The following SBNO1 variants were observed in gnomAD, a reference collection of about 807,000 sequenced individuals.
SBNO1 encodes protein strawberry notch homolog 1.
Under a neutral mutation model 173.6 loss-of-function variants are expected in SBNO1, and 23 were observed. That is an observed-to-expected ratio of 0.13 (90% CI 0.10 to 0.19). The LOEUF is 0.19. Among genes scored for constraint, SBNO1 ranks in the 10% least tolerant of loss-of-function variants. The pLI is 1.00. For synonymous variants in SBNO1, 632 were observed against 571.5 expected (o/e 1.11, Z -1.51); for missense variants, 1,238 against 1,671.2 (o/e 0.74, Z 4.52).
chr12:123,348,176 G>A (rs769243232), intron 2 of SBNO1, 43 bp from the exon 3 acceptor site: 3 of 1,078,642 alleles, frequency 2.8e-6, no homozygotes, highest in East Asian at 2.4e-5. Context: ...AAGGACAGCA[G>A]TAAATTCTGT....
chr12:123,342,382 C>T (rs559205423), intron 4 of SBNO1, among the ~76,000 whole-genome samples: 5 of 151,992 alleles, frequency 3.3e-5, no homozygotes, highest in South Asian at 2.1e-4. Flanking sequence ...AAACAGGAGG[C>T]AGAGCCTGCA....
rs767297020 is a variant in SBNO1, at chr12:123,350,370, A to G, written c.72T>C (p.Phe24=). ...GCCCTGCATCTCCACCATCAATATCAAAGAGGTCATTCGGACTAATTCCAC... is the reference window on the plus strand; with the variant it reads ...GCCCTGCATCTCCACCATCAATATCGAAGAGGTCATTCGGACTAATTCCAC... ...SESGISPNDL[F]DIDGGDAGLA... Residue 24 remains phenylalanine (F), a synonymous_variant, in exon 2 of 32, where the codon TTT becomes TTC. Transcript: ENST00000602398. 1 of 1,614,108 alleles carries G rather than the reference A, an allele frequency of 6.2e-7. No individual in the cohort carries two copies. Among genetic ancestry groups the G allele is most frequent in the Admixed American group, 1.7e-5 (1 of 60,002 alleles).
In SBNO1 at chr12:123,298,105, A is replaced by G. The variant is rs780858002; in HGVS notation, c.3912T>C (p.Tyr1304=). Residue 1304 remains tyrosine (Y), a synonymous_variant, in exon 31 of 32, where the codon TAT becomes TAC. Transcript: ENST00000602398. ...TCAGCACTGAACCACATAATACATA[A>G]TATGTACGGCAACGAAGACCTATTT... The part of the protein sequence containing the change: ...VCEIGLRCRT[Y]YVLCGSVLSV... 8.1e-6 allele frequency: 13 copies of G among 1,611,866 alleles called. No individual in the cohort carries two copies. Among genetic ancestry groups the G allele is most frequent in the Non-Finnish European group, 1.1e-5 (13 of 1,179,486 alleles).
Position 123,325,573 on chromosome 12 carries a change from T to C in SBNO1, c.1902A>G (p.Thr634=), listed in dbSNP as rs1202930885. ...GKCVVIGLQS[T]GEARTLEALE... is the part of the protein sequence containing the mutation. The stretch of plus-strand genomic sequence containing the variant: ...AAGCTTCTAATGTTCTAGCTTCTCC[T>C]GTAGACTGCAGACCAATTACAACAC... Residue 634 remains threonine, a synonymous_variant, in exon 15 of 32, where the codon ACA becomes ACG. Coordinates refer to ENST00000602398, the MANE Select transcript of SBNO1 (RefSeq NM_001167856.3). The C allele has an allele frequency of 6.2e-7, 1 of 1,612,704 alleles. No individual in the cohort carries two copies. The highest frequency in any genetic ancestry group is 8.5e-7 in the Non-Finnish European group (1 of 1,178,884).
chr12:123,326,430 TTTAATA>T, intron 13 of SBNO1, 96 bp from the exon 14 acceptor site: 2 of 646,252 alleles, frequency 3.1e-6, no homozygotes, highest in South Asian at 8.6e-5. Flanking sequence ...TGCAAGACCA[TTTAATA>T]TTAATTTAAT....
intron 1 of SBNO1, among the ~76,000 whole-genome samples, chr12:123,352,347 T>G (rs1003731009): frequency 6.6e-6 from 1 of 152,238 alleles, no homozygotes; most frequent in Non-Finnish European, 1.5e-5. Flanking sequence ...GTTTCGCTCT[T>G]GTTGCCCAAG....
intron 22 of SBNO1, 23 bp from the exon 23 acceptor site, chr12:123,315,467 T>G (rs756782579): frequency 7.5e-6 from 12 of 1,604,618 alleles, no homozygotes; most frequent in Non-Finnish European, 9.4e-6. Context: ...AAAATTTCAA[T>G]CAAGGCACAG....
At chr12:123,308,154 T>C (rs74240781) in intron 28 of SBNO1, among the ~76,000 whole-genome samples, 7,254 of 152,086 alleles carry the variant, frequency 0.048, 306 homozygotes, top group East Asian at 0.25. Context: ...TGGATCTGAG[T>C]AAGTAAATAT....
At chr12:123,311,726 A>C (rs200378176) in intron 24 of SBNO1, among the ~76,000 whole-genome samples, 18,887 of 108,816 alleles carry the variant, frequency 0.17, 1,385 homozygotes, top group East Asian at 0.31. Context: ...CTATCTATAT[A>C]TATATATATA....
In SBNO1 at chr12:123,313,632, C is replaced by G. The variant is rs1160245030; in HGVS notation, c.3208G>C (p.Glu1070Gln). The G allele has an allele frequency of 6.4e-7, 1 of 1,563,692 alleles. No homozygotes were observed. The highest frequency in any genetic ancestry group is 8.8e-7 in the Non-Finnish European group (1 of 1,137,414). The stretch of plus-strand genomic sequence containing the variant: ...TTGTAGAAGTTACCTTTAAAAAATT[C>G]TCCAGGATAGTCTGGAGGTGGTGAT... ...MVSPPPDYPG[E>Q]FFKDVRQGLI... Residue 1070 changes from glutamate to glutamine, a missense_variant, in exon 24 of 32, where the codon GAA becomes CAA. By Grantham distance (29) the Glu-to-Gln change is conservative. This residue lies in a region of SBNO1 where 351 missense variants were observed against 420.3 expected (regional missense o/e 0.84). Transcript: ENST00000602398.
intron 30 of SBNO1, among the ~76,000 whole-genome samples, chr12:123,300,819 G>A (rs1482829547): frequency 2.6e-5 from 4 of 151,212 alleles, no homozygotes; most frequent in Non-Finnish European, 4.4e-5. Flanking sequence ...AATTAGCTGC[G>A]CATGGTGGCA....
At chr12:123,345,682 CTT>C (rs569051179) in intron 3 of SBNO1, 112 bp from the exon 4 acceptor site, 106 of 718,904 alleles carry the variant, frequency 1.5e-4, no homozygotes, top group Non-Finnish European at 1.8e-4. Context: ...TTTATTATTG[CTT>C]TTTTTTTTTC....
intron 25 of SBNO1, among the ~76,000 whole-genome samples, chr12:123,310,164 T>C (rs1168419845): frequency 1.3e-5 from 2 of 152,220 alleles, no homozygotes; most frequent in African/African-American, 4.8e-5. Flanking sequence ...GTAGTGGCAC[T>C]ATTAGAATGT....
At position 123,298,127 on chromosome 12, in the gene SBNO1, A is replaced by G. The variant is rs780192776; in HGVS notation, c.3890T>C (p.Ile1297Thr). 3.7e-6 allele frequency: 6 copies of G among 1,612,018 alleles called. No homozygotes were observed. Among genetic ancestry groups the G allele is most frequent in the Non-Finnish European group, 5.1e-6 (6 of 1,179,588 alleles). The change falls in exon 31 of 32, where the codon ATA becomes ACA. Residue 1297 changes from isoleucine (I) to threonine (T), a missense_variant. Ile to Thr is a moderately conservative substitution (Grantham distance 89, BLOSUM62 -1). Transcript: ENST00000602398. ...ATAATATGTACGGCAACGAAGACCT[A>G]TTTCACAAACTAGCCCCAAGCTTGC... is the stretch of plus-strand genomic sequence containing the variant. ...KKASLGLVCE[I>T]GLRCRTYYVL...
chr12:123,325,353 G>C, intron 15 of SBNO1, 149 bp downstream of exon 15: 1 of 609,206 alleles, frequency 1.6e-6, no homozygotes, highest in Admixed American at 2.9e-5. Flanking sequence ...TAGATACACT[G>C]TTACAGAAAA....
chr12:123,303,033 C>T, intron 29 of SBNO1, 133 bp from the exon 30 acceptor site: 1 of 657,202 alleles, frequency 1.5e-6, no homozygotes, highest in Non-Finnish European at 2.7e-6. Context: ...TTGCTATTAA[C>T]TGAATCTGAA....
intron 30 of SBNO1, among the ~76,000 whole-genome samples, chr12:123,299,684 A>AAC (rs2048719573): frequency 6.7e-6 from 1 of 149,926 alleles, no homozygotes; most frequent in South Asian, 2.1e-4. Flanking sequence ...CTGTCTTCAA[A>AAC]AAAAAAAAAA....
At position 123,290,838 on chromosome 12, in the gene SBNO1, T is replaced by C. The variant is rs10846505; in HGVS notation, c.*5070A>G. The C allele has an allele frequency of 0.11, 16,969 of 151,478 alleles. 1,084 individuals are homozygous for C. The highest frequency in any genetic ancestry group is 0.29 in the East Asian group (1,492 of 5,132). The allele number at this position is 151,478 out of a possible 1,614,324, so 9.4% of individuals were successfully genotyped here. ...CTGCAAGCTCTGCCTCCCAGGTTCA[T>C]GCCATTCTCCTGCCTCAGCCTCCTG... On this transcript the variant is annotated 3_prime_UTR_variant, in exon 32 of 32. Transcript: ENST00000602398.
At chr12:123,334,263 A>G (rs1283465534) in intron 6 of SBNO1, 50 bp from the exon 7 acceptor site, 7 of 1,070,514 alleles carry the variant, frequency 6.5e-6, no homozygotes, top group Non-Finnish European at 9.4e-6. Context: ...AAGTAATAAC[A>G]TTTCCAGTTT....
Sources: gnomAD v4.1 joint callset for allele counts (sites outside exome capture counted in the v4.1 genomes callset) on GRCh38, gnomAD v4.1.1 for gene constraint, gnomAD v4.1.1 regional missense constraint, MANE v1.5 for transcripts, NCBI Gene and HGNC (gene_info 2026-07-23, HGNC 2026-07-21) for gene names.